The following IQCM variants were observed in gnomAD, a reference collection of about 807,000 sequenced individuals.
IQCM encodes the protein IQ motif containing M.
In IQCM, 45 loss-of-function variants were observed where a neutral mutation model predicts 57.6. That is an observed-to-expected ratio of 0.78 (90% CI 0.62 to 1.00). The LOEUF (loss-of-function observed/expected upper bound fraction) is 1.00, where lower values mean the gene tolerates loss of function less well. IQCM is among the 50% of genes least tolerant of loss of function. The pLI is 0.00. For missense variants in IQCM, 468 were observed against 511.6 expected (o/e 0.91, Z 0.82); for synonymous variants, 148 against 158.9 (o/e 0.93, Z 0.51).
At chr4:149,535,812 T>G (rs1747235449) in intron 12 of IQCM, among the ~76,000 whole-genome samples, 1 of 152,060 alleles carries the variant, frequency 6.6e-6, no homozygotes, top group Non-Finnish European at 1.5e-5. Flanking sequence ...ACAACTCACA[T>G]GACTGTAGGG....
At chr4:149,592,641 G>T (rs1298146361) in intron 8 of IQCM, among the ~76,000 whole-genome samples, 3 of 148,878 alleles carry the variant, frequency 2.0e-5, no homozygotes, top group African/African-American at 4.8e-5. Flanking sequence ...TGTATAAGGT[G>T]TAAGGAAGGG....
chr4:149,686,101 T>TC (rs1561155559), intron 6 of IQCM, among the ~76,000 whole-genome samples: 1 of 151,510 alleles, frequency 6.6e-6, no homozygotes, highest in East Asian at 1.9e-4. Flanking sequence ...GGCATTTTTT[T>TC]CCCCAGGAAA....
chr4:149,478,091 T>C (rs1283620747), intron 12 of IQCM, among the ~76,000 whole-genome samples: 1 of 152,230 alleles, frequency 6.6e-6, no homozygotes. Flanking sequence ...TTACTTAGAA[T>C]ACTGCCAGGG....
chr4:149,714,514 T>A lies in IQCM; in HGVS notation c.385+18730A>T, dbSNP rs374387066. 2.5e-4 allele frequency among the ~76,000 whole-genome samples: 38 copies of A among 152,318 alleles called. No homozygotes were observed. In the South Asian group the frequency reaches 7.9e-3, roughly 32 times the overall value. The stretch of plus-strand genomic sequence containing the variant: ...TAGATATCTAACAAACATTTCAGAC[T>A]TTATATAGTAGTACTCCCTTATCTG... On this transcript the variant is annotated intron_variant, in intron 5 of 13. Transcript: ENST00000636793.
intron 13 of IQCM, among the ~76,000 whole-genome samples, chr4:149,409,461 A>G (rs1358144865): frequency 6.6e-6 from 1 of 152,232 alleles, no homozygotes; most frequent in Non-Finnish European, 1.5e-5. Flanking sequence ...CTAAGTAGAA[A>G]TCACGGGGCT....
At chr4:149,554,794 G>T (rs1749400083) in intron 10 of IQCM, among the ~76,000 whole-genome samples, 1 of 151,372 alleles carries the variant, frequency 6.6e-6, no homozygotes, top group Non-Finnish European at 1.5e-5. Context: ...CCACCTCCCG[G>T]GTTCACGCCA....
intron 10 of IQCM, among the ~76,000 whole-genome samples, chr4:149,562,849 T>C (rs1268556815): frequency 6.6e-6 from 1 of 152,178 alleles, no homozygotes. Flanking sequence ...TATCACCACA[T>C]TGTCAGAGAA....
intron 5 of IQCM, among the ~76,000 whole-genome samples, chr4:149,698,114 T>A (rs191490931): frequency 2.0e-4 from 31 of 151,970 alleles, no homozygotes; most frequent in African/African-American, 6.7e-4. Context: ...TATATAGATT[T>A]TTTTCCTACT....
intron 13 of IQCM, among the ~76,000 whole-genome samples, chr4:149,364,970 T>A (rs1729733989): frequency 6.6e-6 from 1 of 151,328 alleles, no homozygotes; most frequent in East Asian, 1.9e-4. Flanking sequence ...TACAGATGGA[T>A]TATATATATA....
At chr4:149,767,577 T>C (rs1770174950) in intron 2 of IQCM, among the ~76,000 whole-genome samples, 1 of 152,090 alleles carries the variant, frequency 6.6e-6, no homozygotes, top group Non-Finnish European at 1.5e-5. Context: ...TGCATGGTGC[T>C]AACATCAGTA....
chr4:149,627,233 A>C (rs1232498469), intron 7 of IQCM, among the ~76,000 whole-genome samples: 1 of 152,180 alleles, frequency 6.6e-6, no homozygotes, highest in South Asian at 2.1e-4. Flanking sequence ...GTGGAATAGG[A>C]AAGTCTCCAC....
chr4:149,480,584 C>T lies in IQCM; in HGVS notation c.1229-47027G>A, dbSNP rs76994325. 9.5e-3 allele frequency among the ~76,000 whole-genome samples: 1,440 copies of T among 152,252 alleles called. 16 individuals are homozygous for T. Among genetic ancestry groups the T allele is most frequent in the African/African-American group, 0.033 (1,368 of 41,548 alleles). On this transcript the variant is annotated intron_variant, in intron 12 of 13. Coordinates refer to ENST00000636793, the MANE Select transcript of IQCM (RefSeq NM_001363507.2). ...TCCAGTTCCGTGTTATTGCAAATGA[C>T]AGGATCTCATTCTTTCTTATAGTTG... is the stretch of plus-strand genomic sequence containing the variant.
intron 9 of IQCM, among the ~76,000 whole-genome samples, chr4:149,571,590 A>G (rs1751165620): frequency 6.6e-6 from 1 of 152,100 alleles, no homozygotes; most frequent in Admixed American, 6.6e-5. Flanking sequence ...GACTATAGTT[A>G]ACAATATATT....
intron 10 of IQCM, among the ~76,000 whole-genome samples, chr4:149,558,187 TTACTC>T (rs1295015060): frequency 1.3e-5 from 2 of 152,304 alleles, no homozygotes; most frequent in East Asian, 3.9e-4. Context: ...GATTCTCTCT[TTACTC>T]TATATAGTCT....
intron 9 of IQCM, among the ~76,000 whole-genome samples, chr4:149,572,911 C>G (rs541533214): frequency 3.3e-5 from 5 of 151,904 alleles, no homozygotes; most frequent in Non-Finnish European, 7.4e-5. Flanking sequence ...GCGTAATCTA[C>G]TTGGAAAACA....
intron 12 of IQCM, among the ~76,000 whole-genome samples, chr4:149,519,603 G>A (rs573553976): frequency 3.3e-5 from 5 of 151,972 alleles, no homozygotes; most frequent in African/African-American, 4.8e-5. Context: ...CCCAGATTGC[G>A]CCACTGCGCT....
intron 2 of IQCM, among the ~76,000 whole-genome samples, chr4:149,759,697 T>G (rs74988755): frequency 6.6e-6 from 1 of 152,128 alleles, no homozygotes; most frequent in Non-Finnish European, 1.5e-5. Flanking sequence ...AGGGAAATTA[T>G]GAAATATTTA....
intron 12 of IQCM, among the ~76,000 whole-genome samples, chr4:149,484,670 AGT>A (rs1330830536): frequency 6.6e-6 from 1 of 151,976 alleles, no homozygotes; most frequent in Non-Finnish European, 1.5e-5. Flanking sequence ...AGTCTTAAAA[AGT>A]GGTTGTAGTT....
intron 5 of IQCM, among the ~76,000 whole-genome samples, chr4:149,722,175 T>C (rs1765505503): frequency 6.6e-6 from 1 of 152,142 alleles, no homozygotes; most frequent in African/African-American, 2.4e-5. Flanking sequence ...TTTGAGTTTC[T>C]TGTAGATTCT....
Sources: gnomAD v4.1 joint callset for allele counts (sites outside exome capture counted in the v4.1 genomes callset) on GRCh38, gnomAD v4.1.1 for gene constraint, MANE v1.5 for transcripts, NCBI Gene and HGNC (gene_info 2026-07-23, HGNC 2026-07-21) for gene names.